Variants in DOCK2 observed in about 807,000 individuals in gnomAD.
DOCK2 encodes dedicator of cytokinesis protein 2.
In DOCK2, 87 loss-of-function variants were observed where a neutral mutation model predicts 248.9. That is an observed-to-expected ratio of 0.35 (90% CI 0.29 to 0.42). The LOEUF (loss-of-function observed/expected upper bound fraction) is 0.42. Ranked by LOEUF, DOCK2 falls within the 10% of genes least tolerant of loss-of-function variation. The pLI, the probability that DOCK2 is intolerant of heterozygous loss-of-function variation, is 1.00. For missense variants in DOCK2, 1,747 were observed against 2,300.2 expected (o/e 0.76, Z 4.92); for synonymous variants, 805 against 821.6 (o/e 0.98, Z 0.35).
At chr5:169,737,064 G>T (rs1000076334) in intron 22 of DOCK2, among the ~76,000 whole-genome samples, 3 of 152,142 alleles carry the variant, frequency 2.0e-5, no homozygotes, top group African/African-American at 7.2e-5. Flanking sequence ...AAGGGGAAAT[G>T]CATGTGAGGT....
intron 26 of DOCK2, among the ~76,000 whole-genome samples, chr5:169,820,034 G>T (rs1402023920): frequency 6.6e-6 from 1 of 152,212 alleles, no homozygotes; most frequent in African/African-American, 2.4e-5. Flanking sequence ...TAGCACAGCA[G>T]TCTGAGATCG....
intron 27 of DOCK2, among the ~76,000 whole-genome samples, chr5:169,928,155 G>C (rs1287460272): frequency 6.6e-6 from 1 of 152,256 alleles, no homozygotes; most frequent in South Asian, 2.1e-4. Context: ...TGCAACTCAG[G>C]ATCAGCCACC....
At chr5:169,934,990 G>C in intron 27 of DOCK2, 1 of 266,454 alleles carries the variant, frequency 3.8e-6, no homozygotes. Context: ...AACGTTAGCA[G>C]CCAACATACT....
At chr5:169,851,712 G>A (rs541260581) in intron 27 of DOCK2, among the ~76,000 whole-genome samples, 1 of 152,312 alleles carries the variant, frequency 6.6e-6, no homozygotes, top group African/African-American at 2.4e-5. Flanking sequence ...GAGAGCTTAG[G>A]AAACTTACAA....
intron 45 of DOCK2, among the ~76,000 whole-genome samples, 194 bp from the exon 46 acceptor site, chr5:170,068,943 C>T (rs1033472158): frequency 2.0e-5 from 3 of 152,194 alleles, no homozygotes; most frequent in African/African-American, 4.8e-5. Flanking sequence ...AGCCCATTCC[C>T]ACTGGGTGCT....
intron 2 of DOCK2, among the ~76,000 whole-genome samples, chr5:169,669,060 T>A (rs935630693): frequency 6.6e-6 from 1 of 152,126 alleles, no homozygotes; most frequent in Non-Finnish European, 1.5e-5. Flanking sequence ...TTTTTCAAAA[T>A]CAGGAGCACC....
At chr5:169,746,474 T>C (rs1288087773) in intron 22 of DOCK2, among the ~76,000 whole-genome samples, 4 of 152,094 alleles carry the variant, frequency 2.6e-5, no homozygotes, top group Non-Finnish European at 5.9e-5. Context: ...CTGAGGAGCT[T>C]TTTGAGCGTG....
intron 25 of DOCK2, among the ~76,000 whole-genome samples, chr5:169,795,167 A>G (rs1324821855): frequency 6.6e-6 from 1 of 152,176 alleles, no homozygotes; most frequent in Non-Finnish European, 1.5e-5. Flanking sequence ...TTTACGTTCA[A>G]TATAAAGGAT....
intron 41 of DOCK2, among the ~76,000 whole-genome samples, chr5:170,051,109 T>A (rs75874509): frequency 0.083 from 12,708 of 152,204 alleles, 1,386 homozygotes; most frequent in African/African-American, 0.25. Context: ...TTGAGATTAC[T>A]AGCAACCAAA....
In DOCK2 at chr5:169,803,425, G is replaced by C. The variant is rs181320339; in HGVS notation, c.2703+219G>C. 1.8e-3 allele frequency among the ~76,000 whole-genome samples: 278 copies of C among 152,300 alleles called. 1 individual carries two copies. Among genetic ancestry groups the C allele is most frequent in the Middle Eastern group, 0.017 (5 of 294 alleles). On this transcript the variant is annotated intron_variant, in intron 26 of 51. Transcript: ENST00000520908. ...TTAGCATTTTGTCTCTGTGTGTCTT[G>C]TTGGCCAGGCTTTCTCAGAATGTGG...
chr5:169,644,877 G>A (rs775110297), intron 1 of DOCK2, among the ~76,000 whole-genome samples: 1 of 152,082 alleles, frequency 6.6e-6, no homozygotes, highest in Non-Finnish European at 1.5e-5. Context: ...TCCCACTTAT[G>A]AGTGAGAACA....
chr5:170,074,541 C>T (rs1247733232), intron 46 of DOCK2, among the ~76,000 whole-genome samples: 1 of 152,212 alleles, frequency 6.6e-6, no homozygotes, highest in African/African-American at 2.4e-5. Context: ...GAGTCAGACC[C>T]TTCAAGCTGT....
chr5:169,783,793 A>G (rs766849096), intron 25 of DOCK2, among the ~76,000 whole-genome samples: 3 of 152,256 alleles, frequency 2.0e-5, no homozygotes, highest in Non-Finnish European at 4.4e-5. Context: ...TCACTATTTT[A>G]CAGATGGATA....
chr5:169,994,725 A>T (rs1312372785), intron 29 of DOCK2, among the ~76,000 whole-genome samples: 1 of 152,238 alleles, frequency 6.6e-6, no homozygotes, highest in African/African-American at 2.4e-5. Flanking sequence ...TACTAGCAAG[A>T]AATAAGCCTA....
At chr5:169,680,594 G>A (rs1042670704) in intron 6 of DOCK2, among the ~76,000 whole-genome samples, 3 of 152,114 alleles carry the variant, frequency 2.0e-5, no homozygotes, top group South Asian at 2.1e-4. Flanking sequence ...GGTGGCATGT[G>A]CCTGTAGTCC....
intron 22 of DOCK2, among the ~76,000 whole-genome samples, chr5:169,742,918 A>G (rs1263230473): frequency 6.6e-6 from 1 of 152,222 alleles, no homozygotes; most frequent in African/African-American, 2.4e-5. Flanking sequence ...AGGTTGTTCC[A>G]GTTTTCCTTG....
At chr5:169,988,999 A>G (rs1778142541) in intron 29 of DOCK2, among the ~76,000 whole-genome samples, 3 of 152,188 alleles carry the variant, frequency 2.0e-5, no homozygotes, top group Admixed American at 2.0e-4. Flanking sequence ...GGACATTCCA[A>G]CTAACTTTTC....
chr5:170,014,153 G>A (rs906181978), intron 32 of DOCK2, among the ~76,000 whole-genome samples: 1 of 152,108 alleles, frequency 6.6e-6, no homozygotes, highest in Non-Finnish European at 1.5e-5. Flanking sequence ...TGGCTTCCTG[G>A]GGTTGGGGAG....
At chr5:169,970,129 T>C (rs140367516) in intron 27 of DOCK2, among the ~76,000 whole-genome samples, 1 of 152,358 alleles carries the variant, frequency 6.6e-6, no homozygotes, top group East Asian at 1.9e-4. Context: ...ATTTTCATTA[T>C]GCAGAGTGAC....
Sources: allele counts gnomAD v4.1 joint callset (sites outside exome capture counted in the v4.1 genomes callset), GRCh38; gene constraint gnomAD v4.1.1; transcripts MANE v1.5; gene names NCBI Gene and HGNC (gene_info 2026-07-23, HGNC 2026-07-21).